Variants in NRXN3 observed in about 807,000 individuals in gnomAD.
NRXN3 encodes the protein neurexin III.
In NRXN3, 32 loss-of-function variants were observed where a neutral mutation model predicts 137.6. That is an observed-to-expected ratio of 0.23 (90% CI 0.18 to 0.31). The LOEUF (loss-of-function observed/expected upper bound fraction) is 0.31, where lower values mean the gene tolerates loss of function less well. Among genes scored for constraint, NRXN3 ranks in the 10% least tolerant of loss-of-function variants. The pLI is 1.00. For synonymous variants in NRXN3, 798 were observed against 784.5 expected (o/e 1.02, Z -0.29); for missense variants, 1,574 against 2,062.5 (o/e 0.76, Z 4.59).
At chr14:79,080,621 A>G (rs1038587771) in intron 15 of NRXN3, among the ~76,000 whole-genome samples, 1 of 152,188 alleles carries the variant, frequency 6.6e-6, no homozygotes, top group Admixed American at 6.5e-5. Context: ...TATGTTTCAG[A>G]TACCTCACCA....
rs144472789 is a variant in NRXN3, at chr14:79,253,703, G to A, written c.3263-213518G>A. On this transcript the variant is annotated intron_variant, in intron 15 of 20. Coordinates refer to ENST00000335750, the MANE Select transcript of NRXN3 (RefSeq NM_001330195.2). Reference sequence around the variant, plus strand: ...AGGCGGCAGGAAAAGAAAGAGCGAGGCAGGAGCTGCCAAACACTTTTAAAG... The same window carrying A: ...AGGCGGCAGGAAAAGAAAGAGCGAGACAGGAGCTGCCAAACACTTTTAAAG... Among the ~76,000 whole-genome samples, 261 of 152,302 alleles carry A rather than the reference G, an allele frequency of 1.7e-3. 1 individual carries two copies. Among genetic ancestry groups the A allele is most frequent in the African/African-American group, 6.1e-3 (253 of 41,570 alleles).
At chr14:78,583,984 C>T (rs1452919019) in intron 4 of NRXN3, among the ~76,000 whole-genome samples, 1 of 152,152 alleles carries the variant, frequency 6.6e-6, no homozygotes, top group African/African-American at 2.4e-5. Flanking sequence ...TTTACTTATC[C>T]AGTTCAGTAA....
intron 16 of NRXN3, among the ~76,000 whole-genome samples, chr14:79,578,492 C>T (rs919244563): frequency 2.0e-5 from 3 of 152,068 alleles, no homozygotes; most frequent in Non-Finnish European, 4.4e-5. Context: ...CAACCTAAGC[C>T]GCATCGTTGG....
chr14:79,484,222 G>A (rs1308113574), intron 16 of NRXN3, among the ~76,000 whole-genome samples: 2 of 152,088 alleles, frequency 1.3e-5, no homozygotes, highest in Non-Finnish European at 2.9e-5. Flanking sequence ...CAGAAACAAA[G>A]GCTTTTCTTT....
At position 78,433,787 on chromosome 14, in the gene NRXN3, C is replaced by A. The variant is rs903237406; in HGVS notation, c.757+135927C>A. ...ATAAATCTCTGCTCTTTATAAATTA[C>A]CCAGTCTCCAGTATTCTATTATAGC... On this transcript the variant is annotated intron_variant, in intron 4 of 20. Coordinates refer to ENST00000335750, the MANE Select transcript of NRXN3 (RefSeq NM_001330195.2). Among the ~76,000 whole-genome samples, 3 of 152,190 alleles carry A rather than the reference C, an allele frequency of 2.0e-5. No individual in the cohort carries two copies. The East Asian group carries it at 5.8e-4, about 29-fold the overall frequency.
At chr14:78,499,278 A>G (rs1239925091) in intron 4 of NRXN3, among the ~76,000 whole-genome samples, 1 of 151,994 alleles carries the variant, frequency 6.6e-6, no homozygotes, top group Admixed American at 6.6e-5. Flanking sequence ...AGCAAATGTT[A>G]GTTTTCTTTC....
intron 4 of NRXN3, among the ~76,000 whole-genome samples, chr14:78,412,523 G>A (rs1320203485): frequency 6.6e-6 from 1 of 152,132 alleles, no homozygotes; most frequent in Non-Finnish European, 1.5e-5. Flanking sequence ...TGCCAGGTGA[G>A]TATTGGTTCA....
At chr14:78,610,185 C>A (rs1266688275) in intron 4 of NRXN3, among the ~76,000 whole-genome samples, 1 of 152,132 alleles carries the variant, frequency 6.6e-6, no homozygotes, top group Non-Finnish European at 1.5e-5. Flanking sequence ...AGTCCAGCTG[C>A]AAACTGACAG....
At chr14:79,396,232 G>A (rs1353855455) in intron 15 of NRXN3, among the ~76,000 whole-genome samples, 1 of 151,878 alleles carries the variant, frequency 6.6e-6, no homozygotes, top group Non-Finnish European at 1.5e-5. Context: ...TAATACGGGG[G>A]TTGCGTAATT....
chr14:79,407,558 G>C (rs1464686641), intron 15 of NRXN3, among the ~76,000 whole-genome samples: 1 of 152,136 alleles, frequency 6.6e-6, no homozygotes, highest in Non-Finnish European at 1.5e-5. Flanking sequence ...CAGGGATAGA[G>C]CACATAGTAA....
At chr14:79,768,756 G>T (rs567530664) in intron 19 of NRXN3, among the ~76,000 whole-genome samples, 15 of 152,328 alleles carry the variant, frequency 9.8e-5, no homozygotes, top group African/African-American at 3.4e-4. Context: ...ACCAGCAACG[G>T]AACAAAGCTG....
chr14:79,325,873 C>T (rs1645863368), intron 15 of NRXN3, among the ~76,000 whole-genome samples: 1 of 151,978 alleles, frequency 6.6e-6, no homozygotes, highest in African/African-American at 2.4e-5. Flanking sequence ...TCGTGAGATG[C>T]AGTTTCTCTT....
chr14:79,756,487 T>C (rs1010594673), intron 19 of NRXN3, among the ~76,000 whole-genome samples: 1 of 152,206 alleles, frequency 6.6e-6, no homozygotes, highest in Non-Finnish European at 1.5e-5. Context: ...ACTTAACTTG[T>C]CTTTTTACCA....
intron 15 of NRXN3, among the ~76,000 whole-genome samples, chr14:79,427,896 C>T (rs937549700): frequency 2.6e-5 from 4 of 151,830 alleles, no homozygotes; most frequent in Non-Finnish European, 1.5e-5. Flanking sequence ...CAAGGAATTG[C>T]TAAACTTTTC....
intron 15 of NRXN3, among the ~76,000 whole-genome samples, chr14:79,413,093 A>G (rs2095442742): frequency 6.6e-6 from 1 of 152,154 alleles, no homozygotes; most frequent in African/African-American, 2.4e-5. Flanking sequence ...TTGGCAAAGT[A>G]AGCACGATCA....
intron 15 of NRXN3, among the ~76,000 whole-genome samples, chr14:79,264,023 T>A (rs1020217483): frequency 3.9e-5 from 6 of 152,224 alleles, no homozygotes; most frequent in Non-Finnish European, 8.8e-5. Context: ...CTAATCTGGT[T>A]AGGCCATCTT....
intron 11 of NRXN3, among the ~76,000 whole-genome samples, chr14:78,960,125 A>AT (rs1247385577): frequency 6.6e-6 from 1 of 152,202 alleles, no homozygotes; most frequent in Non-Finnish European, 1.5e-5. Context: ...CAGTAATTTG[A>AT]TTTTTTGAAA....
At chr14:78,868,135 G>A (rs2099092001) in intron 10 of NRXN3, among the ~76,000 whole-genome samples, 1 of 150,252 alleles carries the variant, frequency 6.7e-6, no homozygotes, top group South Asian at 2.1e-4. Context: ...TTTATTACAG[G>A]AGCCTTATCC....
chr14:78,240,016 T>C (rs978696986), intron 1 of NRXN3, among the ~76,000 whole-genome samples: 2 of 152,260 alleles, frequency 1.3e-5, no homozygotes, highest in Non-Finnish European at 2.9e-5. Context: ...AAGTCTTTAC[T>C]TAAATTTCAC....
Sources: allele counts gnomAD v4.1 joint callset (sites outside exome capture counted in the v4.1 genomes callset), GRCh38; gene constraint gnomAD v4.1.1; transcripts MANE v1.5; gene names NCBI Gene and HGNC (gene_info 2026-07-23, HGNC 2026-07-21).